The following ACBD4 variants were observed in gnomAD, a reference collection of about 807,000 sequenced individuals.
The protein encoded by ACBD4 is acyl-CoA binding domain containing 4.
A neutral mutation model predicts 46.0 loss-of-function variants in ACBD4; 41 were observed. That is an observed-to-expected ratio of 0.89 (90% CI 0.69 to 1.16). The LOEUF (loss-of-function observed/expected upper bound fraction) is 1.16, where lower values mean the gene tolerates loss of function less well. ACBD4 is among the 50% of genes most tolerant of loss of function. The pLI, the probability that ACBD4 is intolerant of heterozygous loss-of-function variation, is 0.00. For missense variants in ACBD4, 393 were observed against 399.5 expected (o/e 0.98, Z 0.14); for synonymous variants, 162 against 155.9 (o/e 1.04, Z -0.29).
intron 8 of ACBD4, chr17:45,138,194 G>A (rs1025056689): frequency 1.6e-6 from 1 of 620,974 alleles, no homozygotes; most frequent in South Asian, 2.0e-5. Flanking sequence ...CTCCCCAAAG[G>A]GCACCCAGGA....
upstream of ACBD4, among the ~76,000 whole-genome samples, chr17:45,133,683 CACT>C (rs2054608229): frequency 6.6e-6 from 1 of 150,990 alleles, no homozygotes; most frequent in Non-Finnish European, 1.5e-5. Flanking sequence ...AGGCGCCCGC[CACT>C]ACGCCCGGCT....
At position 45,136,611 on chromosome 17, in the gene ACBD4, G is replaced by A. The variant is rs2067216891; in HGVS notation, c.200G>A (p.Arg67Gln). ...CCCGGGTTCTGGGACCCCATTGGAC[G>A]ATATAAGTGGTGAGCTCCCTGCTGG... ...PRPGFWDPIG[R>Q]YKWDAWNSLG... Residue 67 changes from arginine to glutamine, a missense_variant, in exon 3 of 10, where the codon CGA becomes CAA. Physicochemically the swap from Arg to Gln is conservative, Grantham distance 43. Transcript: ENST00000321854. The A allele has an allele frequency of 1.2e-6, 2 of 1,613,724 alleles. No homozygotes were observed. The highest frequency in any genetic ancestry group is 1.7e-6 in the Non-Finnish European group (2 of 1,179,874).
chr17:45,134,782 T>A (rs1284026874), upstream of ACBD4, among the ~76,000 whole-genome samples: 3 of 151,622 alleles, frequency 2.0e-5, no homozygotes, highest in Admixed American at 6.6e-5. Flanking sequence ...CTCAAAAAAA[T>A]AAATAAATAA....
chr17:45,143,703 G>A lies in ACBD4; in HGVS notation c.*132G>A. 6.7e-7 allele frequency: 1 copy of A among 1,486,650 alleles called. No individual in the cohort carries two copies. Among genetic ancestry groups the A allele is most frequent in the Non-Finnish European group, 9.2e-7 (1 of 1,087,980 alleles). 92.1% of individuals were successfully genotyped at this position (1,486,650 alleles called of 1,614,324 possible). A position where few individuals can be genotyped will look rare whatever the true frequency, so the allele number is the denominator to read the frequency against. ...TTGCCTTCGCACCTCCTCCCCTAAA[G>A]CAGCGCGGGGGGCAAATAAGACCCC... is the stretch of plus-strand genomic sequence containing the variant. On this transcript the variant is annotated 3_prime_UTR_variant, in exon 10 of 10. Coordinates refer to ENST00000321854, the MANE Select transcript of ACBD4 (RefSeq NM_001135705.3).
Position 45,142,389 on chromosome 17 carries a change from C to CAAAAAAA in ACBD4, c.790-1030_790-1024dup, listed in dbSNP as rs1161132274. ...GCCTGGGAGACAGAGCAAGACTCCT[C>CAAAAAAA]AAAAAAAAAAAAAAAAAAAAAAAAA... On this transcript the variant is annotated intron_variant, in intron 9 of 9. Coordinates refer to ENST00000321854, the MANE Select transcript of ACBD4 (RefSeq NM_001135705.3). 7.7e-3 allele frequency among the ~76,000 whole-genome samples: 219 copies of CAAAAAAA among 28,602 alleles called. 1 individual carries two copies. The highest frequency in any genetic ancestry group is 0.036 in the Middle Eastern group (1 of 28). The allele number at this position is 28,602 out of a possible 152,430, so 18.8% of individuals were successfully genotyped here.
At position 45,137,072 on chromosome 17, in the gene ACBD4, C is replaced by A; in HGVS notation, c.348C>A (p.Phe116Leu). Reference sequence around the variant, plus strand: ...TGGCAGAGGACATGTTTGGTTACTTCGAGCCCCTGTACCAGGTGATCCCTG... The same window carrying A: ...TGGCAGAGGACATGTTTGGTTACTTAGAGCCCCTGTACCAGGTGATCCCTG... Reference protein sequence around the residue: ...GEVAEDMFGYFEPLYQVIPDM... With the variant: ...GEVAEDMFGYLEPLYQVIPDM... The change falls in exon 5 of 10, where the codon TTC (phenylalanine) becomes TTA (leucine). Residue 116 changes from phenylalanine to leucine, a missense_variant. By Grantham distance (22) the Phe-to-Leu change is conservative. Coordinates refer to ENST00000321854, the MANE Select transcript of ACBD4 (RefSeq NM_001135705.3). 1 of 1,614,086 alleles carries A rather than the reference C, an allele frequency of 6.2e-7. No individual in the cohort carries two copies. Among genetic ancestry groups the A allele is most frequent in the Non-Finnish European group, 8.5e-7 (1 of 1,180,006 alleles).
At chr17:45,131,847 G>T (rs898503290), upstream of ACBD4, among the ~76,000 whole-genome samples, 2 of 152,188 alleles carry the variant, frequency 1.3e-5, no homozygotes, top group African/African-American at 2.4e-5. Flanking sequence ...GAGGCCGACC[G>T]CAAACTCGCA....
chr17:45,138,061 C>A, intron 8 of ACBD4, 73 bp downstream of exon 8: 1 of 1,453,118 alleles, frequency 6.9e-7, no homozygotes, highest in Non-Finnish European at 9.5e-7. Flanking sequence ...TTTCTCTTGG[C>A]TGCCTTCCTA....
At chr17:45,136,812 G>A (rs1194278997) in intron 4 of ACBD4, 36 bp downstream of exon 4, 1 of 1,611,526 alleles carries the variant, frequency 6.2e-7, no homozygotes, top group Non-Finnish European at 8.5e-7. Context: ...CAGGCTCCTG[G>A]CCAGGTGGCC....
At position 45,136,708 on chromosome 17, in the gene ACBD4, C is replaced by A; in HGVS notation, c.226C>A (p.Leu76Met). 6.2e-7 allele frequency: 1 copy of A among 1,614,102 alleles called. No individual in the cohort carries two copies. The highest frequency in any genetic ancestry group is 8.5e-7 in the Non-Finnish European group (1 of 1,180,026). Residue 76 changes from leucine (L) to methionine (M), a missense_variant, in exon 4 of 10, where the codon CTG becomes ATG. By Grantham distance (15) the Leu-to-Met change is conservative. This residue lies in a region of ACBD4 where 308 missense variants were observed against 301.8 expected (regional missense o/e 1.02). Coordinates refer to ENST00000321854, the MANE Select transcript of ACBD4 (RefSeq NM_001135705.3). ...TGCCCCCAGGGACGCCTGGAACAGT[C>A]TGGGCAAGATGAGCAGGGAGGAGGC... ...GRYKWDAWNS[L>M]GKMSREEAMS...
At chr17:45,133,785 C>T (rs889042384), upstream of ACBD4, among the ~76,000 whole-genome samples, 2 of 152,044 alleles carry the variant, frequency 1.3e-5, no homozygotes, top group Non-Finnish European at 2.9e-5. Context: ...CCCGCCTCGG[C>T]CTCCCAAAGT....
At chr17:45,137,517 G>A in intron 6 of ACBD4, 63 bp downstream of exon 6, 1 of 1,567,984 alleles carries the variant, frequency 6.4e-7, no homozygotes, top group East Asian at 2.2e-5. Context: ...AGGGGAGAAG[G>A]CTGGATGCCA....
intron 8 of ACBD4, among the ~76,000 whole-genome samples, chr17:45,138,801 A>G (rs1158406148): frequency 6.6e-6 from 1 of 152,184 alleles, no homozygotes; most frequent in Non-Finnish European, 1.5e-5. Flanking sequence ...AAAAAAAAAA[A>G]AAAGGTAATG....
Position 45,137,409 on chromosome 17 carries a change from T to C in ACBD4, c.457T>C (p.Ser153Pro). The change falls in exon 6 of 10, where the codon TCA (serine) becomes CCA (proline). Residue 153 changes from serine to proline, a missense_variant. Around this residue, in one of 3 missense-constraint regions of ACBD4, gnomAD observed 308 missense variants for 301.8 expected, o/e 1.02. Transcript: ENST00000321854. Reference protein sequence around the residue: ...QVVNGDVGAVSEPPCLPKEPA... With the variant: ...QVVNGDVGAVPEPPCLPKEPA... ...TGTGAATGGAGATGTTGGGGCTGTTTCAGAGCCTCCCTGCCTCCCCAAGGA... is the reference window on the plus strand; with the variant it reads ...TGTGAATGGAGATGTTGGGGCTGTTCCAGAGCCTCCCTGCCTCCCCAAGGA... 6.2e-7 allele frequency: 1 copy of C among 1,614,018 alleles called. No individual in the cohort carries two copies. Among genetic ancestry groups the C allele is most frequent in the South Asian group, 1.1e-5 (1 of 91,080 alleles).
At chr17:45,138,140 G>A in intron 8 of ACBD4, 152 bp downstream of exon 8, 1 of 820,502 alleles carries the variant, frequency 1.2e-6, no homozygotes, top group South Asian at 1.7e-5. Flanking sequence ...CTGCCAACCA[G>A]CCAGATACCT....
upstream of ACBD4, chr17:45,133,184 C>A (rs577629294): frequency 1.3e-5 from 2 of 152,388 alleles, no homozygotes; most frequent in Admixed American, 1.3e-4. Context: ...TGTAGTTGTC[C>A]GCGACGTCAA....
At position 45,143,446 on chromosome 17, in the gene ACBD4, C is replaced by A. The variant is rs761666657; in HGVS notation, c.793C>A (p.Pro265Thr). Residue 265 changes from proline (P) to threonine (T), a missense_variant, in exon 10 of 10, where the codon CCG becomes ACG. Physicochemically the swap from Pro to Thr is conservative, Grantham distance 38 (BLOSUM62 -1). Transcript: ENST00000321854. The part of the protein sequence containing the change: ...ESMPRPPEQR[P>T]QPRPSARPWP... ...ACTCCCTCCCTCTTGGCTGCAGAGG[C>A]CGCAGCCCAGGCCCAGTGCTCGGCC... 3.7e-6 allele frequency: 6 copies of A among 1,607,430 alleles called. No individual in the cohort carries two copies. Among genetic ancestry groups the A allele is most frequent in the African/African-American group, 2.7e-5 (2 of 74,940 alleles).
In ACBD4 at chr17:45,144,107, C is replaced by T. The variant is rs780531485; in HGVS notation, c.*536C>T. 6.3e-6 allele frequency: 1 copy of T among 158,344 alleles called. No homozygotes were observed. Among genetic ancestry groups the T allele is most frequent in the Non-Finnish European group, 1.4e-5 (1 of 72,084 alleles). The allele number at this position is 158,344 out of a possible 1,614,324, so 9.8% of individuals were successfully genotyped here. A position where few individuals can be genotyped will look rare whatever the true frequency, so the allele number is the denominator to read the frequency against. On this transcript the variant is annotated 3_prime_UTR_variant, in exon 10 of 10. Transcript: ENST00000321854. ...CCTGCCGGCCCCCTCCGCCCCCACA[C>T]ACACTCGGGACGTCTTCATTGAAGA... is the stretch of plus-strand genomic sequence containing the variant.
intron 9 of ACBD4, among the ~76,000 whole-genome samples, chr17:45,140,223 G>A (rs367996502): frequency 6.8e-5 from 10 of 147,642 alleles, no homozygotes; most frequent in South Asian, 2.1e-4. Context: ...TTGCTCTGTC[G>A]CCCAGGCTGA....
Sources: allele counts gnomAD v4.1 joint callset (sites outside exome capture counted in the v4.1 genomes callset), GRCh38; gene constraint gnomAD v4.1.1; regional missense constraint gnomAD v4.1.1; transcripts MANE v1.5; gene names NCBI Gene and HGNC (gene_info 2026-07-23, HGNC 2026-07-21).